The following LSAMP variants were observed in gnomAD, a reference collection of about 807,000 sequenced individuals.
LSAMP encodes the protein limbic system-associated membrane protein.
LSAMP carries 7 observed loss-of-function variants against 38.6 expected under a neutral mutation model. The observed-to-expected ratio is 0.18, with a 90% CI of 0.10 to 0.34. LSAMP has a LOEUF of 0.34. Ranked by LOEUF, LSAMP falls within the 10% of genes least tolerant of loss-of-function variation. LSAMP has a pLI of 1.00. For missense variants in LSAMP, 313 were observed against 420.0 expected (o/e 0.75, Z 2.23); for synonymous variants, 154 against 166.8 (o/e 0.92, Z 0.59).
intron 1 of LSAMP, among the ~76,000 whole-genome samples, chr3:116,358,909 T>G (rs1212499741): frequency 1.3e-5 from 2 of 152,194 alleles, no homozygotes; most frequent in African/African-American, 2.4e-5. Flanking sequence ...TAATATAGAG[T>G]ACAAAGAAAT....
At chr3:116,162,858 T>C (rs1247753800) in intron 1 of LSAMP, among the ~76,000 whole-genome samples, 1 of 151,696 alleles carries the variant, frequency 6.6e-6, no homozygotes, top group African/African-American at 2.4e-5. Context: ...ATCTGTGACC[T>C]ACAGTTCTGG....
chr3:116,258,808 T>A (rs764890845), intron 1 of LSAMP, among the ~76,000 whole-genome samples: 4 of 152,162 alleles, frequency 2.6e-5, no homozygotes, highest in Non-Finnish European at 5.9e-5. Context: ...TTATGATTCG[T>A]ATAGTCATAC....
intron 1 of LSAMP, among the ~76,000 whole-genome samples, chr3:116,349,294 A>G (rs1191703179): frequency 6.6e-6 from 1 of 152,076 alleles, no homozygotes; most frequent in Non-Finnish European, 1.5e-5. Context: ...TATTAGAATA[A>G]TTAAGTATGA....
intron 3 of LSAMP, among the ~76,000 whole-genome samples, chr3:115,992,445 A>G (rs1336492003): frequency 6.6e-6 from 1 of 152,068 alleles, no homozygotes; most frequent in Admixed American, 6.6e-5. Flanking sequence ...GGGCTCCTAC[A>G]AGTGAGTAGG....
chr3:116,203,134 T>G (rs1272046908), intron 1 of LSAMP, among the ~76,000 whole-genome samples: 1 of 152,196 alleles, frequency 6.6e-6, no homozygotes, highest in Non-Finnish European at 1.5e-5. Context: ...CTTTCATGTC[T>G]TGCTGCACTG....
intron 1 of LSAMP, among the ~76,000 whole-genome samples, chr3:116,432,094 C>A (rs1576220798): frequency 6.6e-6 from 1 of 151,662 alleles, no homozygotes; most frequent in Non-Finnish European, 1.5e-5. Flanking sequence ...ACATACTAAT[C>A]AAAAAAATTA....
chr3:116,053,517 T>C (rs748882095), intron 2 of LSAMP, among the ~76,000 whole-genome samples: 1 of 152,204 alleles, frequency 6.6e-6, no homozygotes, highest in African/African-American at 2.4e-5. Context: ...AGCATTATAC[T>C]GGACCTTAGG....
intron 1 of LSAMP, among the ~76,000 whole-genome samples, chr3:116,167,366 A>G (rs1342641502): frequency 6.6e-6 from 1 of 152,204 alleles, no homozygotes. Context: ...ATATTTCTTC[A>G]TAGTATTATT....
intron 1 of LSAMP, among the ~76,000 whole-genome samples, chr3:116,333,451 T>C (rs534075506): frequency 6.0e-5 from 9 of 151,044 alleles, no homozygotes; most frequent in East Asian, 5.8e-4. Flanking sequence ...AGGCAGAGAA[T>C]TGAACCCAGG....
chr3:116,305,891 T>C (rs899968033), intron 1 of LSAMP, among the ~76,000 whole-genome samples: 5 of 151,320 alleles, frequency 3.3e-5, no homozygotes, highest in African/African-American at 1.2e-4. Context: ...TTCTTCAGAA[T>C]AATATTTTAT....
At chr3:115,943,129 A>G (rs1937982747) in intron 3 of LSAMP, among the ~76,000 whole-genome samples, 1 of 152,178 alleles carries the variant, frequency 6.6e-6, no homozygotes, top group Non-Finnish European at 1.5e-5. Flanking sequence ...AAAGAAAACT[A>G]TGAACAAACA....
intron 3 of LSAMP, among the ~76,000 whole-genome samples, chr3:115,958,827 T>C (rs1336251650): frequency 6.6e-6 from 1 of 152,148 alleles, no homozygotes; most frequent in East Asian, 1.9e-4. Flanking sequence ...TAAAAAAAAT[T>C]GTCTCCAAAT....
chr3:116,326,493 G>T (rs1013954449), intron 1 of LSAMP, among the ~76,000 whole-genome samples: 2 of 152,008 alleles, frequency 1.3e-5, no homozygotes, highest in Admixed American at 6.6e-5. Flanking sequence ...ACACTAGAGT[G>T]CAATGCAGCA....
chr3:115,979,779 T>G (rs1333354356), intron 3 of LSAMP, among the ~76,000 whole-genome samples: 1 of 152,134 alleles, frequency 6.6e-6, no homozygotes, highest in Non-Finnish European at 1.5e-5. Flanking sequence ...GAACAGAGAT[T>G]ATTCCTTCTA....
chr3:116,050,498 T>C (rs1033382805), intron 2 of LSAMP, among the ~76,000 whole-genome samples: 5 of 151,392 alleles, frequency 3.3e-5, no homozygotes, highest in Non-Finnish European at 7.4e-5. Context: ...ACCTTTATTC[T>C]GAAGCCTGAA....
chr3:115,987,097 G>C (rs1576285405), intron 3 of LSAMP, among the ~76,000 whole-genome samples: 1 of 152,138 alleles, frequency 6.6e-6, no homozygotes, highest in Non-Finnish European at 1.5e-5. Flanking sequence ...GAAAAAGGAA[G>C]TATATGGCTC....
chr3:116,407,336 C>A (rs2048910033), intron 1 of LSAMP, among the ~76,000 whole-genome samples: 1 of 151,990 alleles, frequency 6.6e-6, no homozygotes, highest in Non-Finnish European at 1.5e-5. Context: ...TTATTAGAGG[C>A]AAAATGTGAA....
At chr3:116,192,360 T>C (rs1223063072) in intron 1 of LSAMP, among the ~76,000 whole-genome samples, 2 of 152,230 alleles carry the variant, frequency 1.3e-5, no homozygotes, top group Non-Finnish European at 2.9e-5. Context: ...TTCTAAATCC[T>C]AGAGCTCCAT....
intron 4 of LSAMP, among the ~76,000 whole-genome samples, chr3:115,846,994 C>T (rs368974040): frequency 5.3e-5 from 8 of 152,140 alleles, no homozygotes; most frequent in African/African-American, 1.9e-4. Flanking sequence ...ATGATGCCTG[C>T]CTGTCTATCT....
Sources: allele counts gnomAD v4.1 joint callset (sites outside exome capture counted in the v4.1 genomes callset), GRCh38; gene constraint gnomAD v4.1.1; transcripts MANE v1.5; gene names NCBI Gene and HGNC (gene_info 2026-07-23, HGNC 2026-07-21).